The following PITPNM2 variants were observed in gnomAD, a reference collection of about 807,000 sequenced individuals.
The protein encoded by PITPNM2 is phosphatidylinositol transfer protein membrane associated 2.
PITPNM2 carries 35 observed loss-of-function variants against 132.2 expected under a neutral mutation model. The ratio of observed to expected loss-of-function variants is 0.26; its 90% CI spans 0.20 to 0.35. PITPNM2 has a LOEUF of 0.35. PITPNM2 is among the 10% of genes least tolerant of loss of function. The probability of loss-of-function intolerance (pLI) is 1.00; values close to 1 mark genes in which losing one functional copy is unlikely to be tolerated. For missense variants in PITPNM2, 1,332 were observed against 1,912.0 expected (o/e 0.70, Z 5.66); for synonymous variants, 738 against 799.2 (o/e 0.92, Z 1.29).
In PITPNM2 at chr12:122,993,989, C is replaced by G. The variant is rs922875303; in HGVS notation, c.2233+812G>C. On this transcript the variant is annotated intron_variant, in intron 15 of 25. Coordinates refer to ENST00000320201, the MANE Select transcript of PITPNM2 (RefSeq NM_020845.3). This position sits in a 1 kb window ranked among gnomAD's most constrained non-coding sequence, Gnocchi z 5.2. ...TCCCGTGTTCAGGCGATTCTCCTGC[C>G]TCAGGCTCCCGAGTAGCTGGGATTA... Among the ~76,000 whole-genome samples the G allele has an allele frequency of 6.6e-6, 1 of 152,200 alleles. No individual in the cohort carries two copies. The highest frequency in any genetic ancestry group is 1.5e-5 in the Non-Finnish European group (1 of 68,040).
intron 2 of PITPNM2, among the ~76,000 whole-genome samples, chr12:123,045,799 T>C (rs2055208781): frequency 6.6e-6 from 1 of 152,166 alleles, no homozygotes; most frequent in Admixed American, 6.5e-5. Flanking sequence ...GGAGTCTCAG[T>C]AGCCAGTGTC....
At chr12:123,026,647 G>T (rs1026006225) in intron 3 of PITPNM2, among the ~76,000 whole-genome samples, 1 of 152,304 alleles carries the variant, frequency 6.6e-6, no homozygotes, top group Admixed American at 6.5e-5. Flanking sequence ...GGCCAGGAGG[G>T]TCCCTTCCAC....
At chr12:123,063,073 C>T (rs910164155) in intron 2 of PITPNM2, among the ~76,000 whole-genome samples, 2 of 152,268 alleles carry the variant, frequency 1.3e-5, no homozygotes, top group South Asian at 4.1e-4. Flanking sequence ...TCCACAAGGA[C>T]GCAGAGCCCA....
At chr12:123,125,308 A>G (rs1247191147) in intron 1 of PITPNM2, among the ~76,000 whole-genome samples, 1 of 152,124 alleles carries the variant, frequency 6.6e-6, no homozygotes, top group Non-Finnish European at 1.5e-5. Context: ...AATCCTAGAA[A>G]ATTGTGAGTC....
Position 123,120,127 on chromosome 12 carries a change from G to A in PITPNM2, c.-199-9639C>T, listed in dbSNP as rs530059099. Among the ~76,000 whole-genome samples, 8 of 152,268 alleles carry A rather than the reference G, an allele frequency of 5.3e-5. No homozygotes were observed. In the South Asian group the frequency reaches 1.5e-3, roughly 28 times the overall value. ...GCAGCAAAGGCCTGGCTTTGGTTTT[G>A]TCAAATATGAACCCGCAGATTTAAG... On this transcript the variant is annotated intron_variant, in intron 1 of 25. Coordinates refer to ENST00000320201, the MANE Select transcript of PITPNM2 (RefSeq NM_020845.3).
Position 123,022,106 on chromosome 12 carries a change from C to T in PITPNM2, c.79-8064G>A, listed in dbSNP as rs1472500368. 6.6e-6 allele frequency among the ~76,000 whole-genome samples: 1 copy of T among 152,194 alleles called. No individual in the cohort carries two copies. Among genetic ancestry groups the T allele is most frequent in the Non-Finnish European group, 1.5e-5 (1 of 68,038 alleles). On this transcript the variant is annotated intron_variant, in intron 3 of 25. Transcript: ENST00000320201. This position sits in a 1 kb window ranked among gnomAD's most constrained non-coding sequence, Gnocchi z 4.9. ...AGTGAAGAGCCAGGCCTGGAAAACCCTTCATTTCCGGTGCTCAGAGGCTCC... is the reference window on the plus strand; with the variant it reads ...AGTGAAGAGCCAGGCCTGGAAAACCTTTCATTTCCGGTGCTCAGAGGCTCC...
rs2136109560 is a variant in PITPNM2 at position 122,994,932 on chromosome 12, C to G, written c.2102G>C (p.Ser701Thr). 1 of 1,611,574 alleles carries G rather than the reference C, an allele frequency of 6.2e-7. No individual in the cohort carries two copies. The highest frequency in any genetic ancestry group is 1.7e-4 in the Middle Eastern group (1 of 6,058). ...LRTEPCSRHS[S>T]SSTMLDGTGA... ...TGTGCCATCCAGCATGGTGGAGCTG[C>G]TGGAATGGCGTGAGCAGGGCTCAGT... Residue 701 changes from serine to threonine, a missense_variant, in exon 15 of 26, where the codon AGC (serine) becomes ACC (threonine). Around this residue, in one of 6 missense-constraint regions of PITPNM2, gnomAD observed 710 missense variants for 911.5 expected, o/e 0.78. Transcript: ENST00000320201. This position sits in a 1 kb window ranked among gnomAD's most constrained non-coding sequence, Gnocchi z 5.4.
At chr12:123,148,608 C>T (rs1325312996) in intron 1 of PITPNM2, among the ~76,000 whole-genome samples, 3 of 152,004 alleles carry the variant, frequency 2.0e-5, no homozygotes, top group Non-Finnish European at 4.4e-5. Flanking sequence ...AGGAAGGCAA[C>T]GGGTCCCCAT....
At chr12:123,090,840 CT>C (rs1265016854) in intron 2 of PITPNM2, 3 of 152,274 alleles carry the variant, frequency 2.0e-5, no homozygotes, top group Admixed American at 2.0e-4. Flanking sequence ...ACATTGTGGT[CT>C]TCCTAACCCT....
chr12:123,089,708 G>C (rs1388521326), intron 2 of PITPNM2: 1 of 152,198 alleles, frequency 6.6e-6, no homozygotes, highest in Non-Finnish European at 1.5e-5. Flanking sequence ...ACTGCTCTAA[G>C]AACTGACTGT....
chr12:122,990,004 G>T, intron 17 of PITPNM2, 56 bp from the exon 18 acceptor site: 1 of 1,255,684 alleles, frequency 8.0e-7, no homozygotes, highest in Non-Finnish European at 1.0e-6. Flanking sequence ...GCACTGCCAC[G>T]TCTACCAGGG....
At chr12:123,062,567 T>C (rs191986302) in intron 2 of PITPNM2, among the ~76,000 whole-genome samples, 6 of 152,256 alleles carry the variant, frequency 3.9e-5, no homozygotes, top group Admixed American at 3.9e-4. Context: ...TAGATGTATC[T>C]AGGATTTCAG....
chr12:122,989,384 T>A (rs2038085814), intron 18 of PITPNM2, among the ~76,000 whole-genome samples: 1 of 152,108 alleles, frequency 6.6e-6, no homozygotes, highest in African/African-American at 2.4e-5. Context: ...GGCCTCCAGA[T>A]GGATGGTCCT....
Position 123,000,697 on chromosome 12 carries a change from G to A in PITPNM2, c.1224+81C>T. The A allele has an allele frequency of 1.4e-6, 2 of 1,466,184 alleles. No individual in the cohort carries two copies. Among genetic ancestry groups the A allele is most frequent in the Non-Finnish European group, 1.9e-6 (2 of 1,064,142 alleles). 90.8% of individuals were successfully genotyped at this position (1,466,184 alleles called of 1,614,324 possible). On this transcript the variant is annotated intron_variant, in intron 10 of 25. Coordinates refer to ENST00000320201, the MANE Select transcript of PITPNM2 (RefSeq NM_020845.3). This position sits in a 1 kb window ranked among gnomAD's most constrained non-coding sequence, Gnocchi z 5.4. ...CTGCCAGGCCCAGAGTTCCACCTCT[G>A]TAACCCCTCAGACTATTCCTCTGCA...
chr12:123,035,958 AAGCTATCCTTCTGCCTC>A (rs2040254756), intron 2 of PITPNM2, among the ~76,000 whole-genome samples: 1 of 152,166 alleles, frequency 6.6e-6, no homozygotes. Flanking sequence ...TCCTGGGCTC[AAGCTATCCTTCTGCCTC>A]AGCCTCCAGA....
chr12:123,044,918 G>T (rs1030220775), intron 2 of PITPNM2, among the ~76,000 whole-genome samples: 5 of 152,100 alleles, frequency 3.3e-5, no homozygotes, highest in Non-Finnish European at 7.4e-5. Flanking sequence ...TCCTTAAGTA[G>T]CTGGGACCAC....
At position 123,019,738 on chromosome 12, in the gene PITPNM2, T is replaced by G. The variant is rs187373791; in HGVS notation, c.79-5696A>C. Among the ~76,000 whole-genome samples, 4 of 152,356 alleles carry G rather than the reference T, an allele frequency of 2.6e-5. No homozygotes were observed. In the East Asian group the frequency reaches 7.7e-4, roughly 29 times the overall value. On this transcript the variant is annotated intron_variant, in intron 3 of 25. Coordinates refer to ENST00000320201, the MANE Select transcript of PITPNM2 (RefSeq NM_020845.3). ...AAAGTAGAAGAAAGAGATGTCATTG[T>G]CCAGGCTGGTCTGCTTTGGGAAGAA...
intron 2 of PITPNM2, among the ~76,000 whole-genome samples, chr12:123,054,406 A>G (rs369784688): frequency 1.3e-5 from 2 of 152,150 alleles, no homozygotes; most frequent in African/African-American, 4.8e-5. Context: ...AGGGATTTGG[A>G]GCATGTCCTC....
At chr12:123,007,342 A>G (rs569218937) in intron 6 of PITPNM2, 1 of 456,542 alleles carries the variant, frequency 2.2e-6, no homozygotes, top group East Asian at 6.9e-5. Context: ...TGGCTAATTT[A>G]CATTGTTTCT....
Sources: allele counts gnomAD v4.1 joint callset (sites outside exome capture counted in the v4.1 genomes callset), GRCh38; gene constraint gnomAD v4.1.1; regional missense constraint gnomAD v4.1.1; non-coding constraint Gnocchi (gnomAD v3.1); transcripts MANE v1.5; gene names NCBI Gene and HGNC (gene_info 2026-07-23, HGNC 2026-07-21).